Variants in CPSF1 observed in about 807,000 individuals in gnomAD.
The protein encoded by CPSF1 is cleavage and polyadenylation specific factor 1, also known as cleavage and polyadenylation specificity factor subunit 1.
Under a neutral mutation model 175.8 loss-of-function variants are expected in CPSF1, and 106 were observed. The ratio of observed to expected loss-of-function variants is 0.60; its 90% confidence interval spans 0.52 to 0.71. The LOEUF (loss-of-function observed/expected upper bound fraction) is 0.71. Among genes scored for constraint, CPSF1 ranks in the 30% least tolerant of loss-of-function variants. The pLI is 0.00. For synonymous variants in CPSF1, 1,024 were observed against 858.3 expected (o/e 1.19, Z -3.37); for missense variants, 1,734 against 2,022.9 (o/e 0.86, Z 2.74).
chr8:144,400,135 G>GGGGGGGGGGCGGGCCGCC, intron 9 of CPSF1, 31 bp downstream of exon 9: 1 of 896,012 alleles, frequency 1.1e-6, no homozygotes, highest in Non-Finnish European at 1.6e-6. Flanking sequence ...CCGTCCCCGG[G>GGGGGGGGGGCGGGCCGCC]CCCCCCCCGC....
In CPSF1 at chr8:144,393,539, C is replaced by G. The variant is rs1256857868; in HGVS notation, c.4197G>C (p.Leu1399=). ...GGTAGCGGTTGAGCAGCTCCCCATCCAGCACGTTGCGCACGGCATTCTGGA... is the reference window on the plus strand; with the variant it reads ...GGTAGCGGTTGAGCAGCTCCCCATCGAGCACGTTGCGCACGGCATTCTGGA... The part of the protein sequence containing the change: ...RTLQNAVRNV[L]DGELLNRYLY... The change falls in exon 37 of 38, where the codon CTG becomes CTC. Residue 1399 remains leucine, a synonymous_variant. Coordinates refer to ENST00000616140, the MANE Select transcript of CPSF1 (RefSeq NM_013291.3). The G allele has an allele frequency of 6.2e-7, 1 of 1,600,612 alleles. No homozygotes were observed. Among genetic ancestry groups the G allele is most frequent in the African/African-American group, 1.3e-5 (1 of 74,810 alleles).
rs782390035 is a variant in CPSF1 at position 144,395,038 on chromosome 8, G to A, written c.3273-15C>T. The A allele has an allele frequency of 2.5e-6, 4 of 1,605,558 alleles. No homozygotes were observed. Among genetic ancestry groups the A allele is most frequent in the Non-Finnish European group, 3.4e-6 (4 of 1,174,826 alleles). On this transcript the variant is annotated splice_polypyrimidine_tract_variant and intron_variant, in intron 29 of 37. Transcript: ENST00000616140. ...GCAGCTCGATCCTGTGGGGGCCAGG[G>A]GCCTCAGGATGCTGCCTGGAGGCCT...
Position 144,393,609 on chromosome 8 carries a change from G to C in CPSF1, c.4146-19C>G. On this transcript the variant is annotated intron_variant, in intron 36 of 37. Coordinates refer to ENST00000616140, the MANE Select transcript of CPSF1 (RefSeq NM_013291.3). ...CAGCATCCTGGGGCGTACAGGCACA[G>C]GTGTCAGGGCAGGCTGGGGTGGAGG... 2 of 1,599,304 alleles carry C rather than the reference G, an allele frequency of 1.3e-6. No homozygotes were observed. Among genetic ancestry groups the C allele is most frequent in the South Asian group, 1.1e-5 (1 of 88,810 alleles).
intron 9 of CPSF1, 31 bp downstream of exon 9, chr8:144,400,135 G>GGGGGCGCCCCCCCCCCCCCCCCCC: frequency 3.3e-6 from 3 of 896,012 alleles, no homozygotes; most frequent in Non-Finnish European, 4.8e-6. Flanking sequence ...CCGTCCCCGG[G>GGGGGCGCCCCCCCCCCCCCCCCCC]CCCCCCCCGC....
rs1554867286 is a variant in CPSF1, at chr8:144,401,658, C to A, written c.160G>T (p.Asp54Tyr). 7 of 1,610,014 alleles carry A rather than the reference C, an allele frequency of 4.3e-6. No individual in the cohort carries two copies. Among genetic ancestry groups the A allele is most frequent in the Non-Finnish European group, 5.9e-6 (7 of 1,178,324 alleles). ...CCACCACACTCACCTGTGCTCCTGTCATTCTTGGTCAGAGCCTGGAGGGGA... is the reference window on the plus strand; with the variant it reads ...CCACCACACTCACCTGTGCTCCTGTAATTCTTGGTCAGAGCCTGGAGGGGA... The part of the protein sequence containing the change: ...NRDAEALTKN[D>Y]RSTEGKAHRE... The change falls in exon 3 of 38, where the codon GAC becomes TAC. Residue 54 changes from aspartate (D) to tyrosine (Y), a missense_variant. Physicochemically the swap from Asp to Tyr is radical, Grantham distance 160. Coordinates refer to ENST00000616140, the MANE Select transcript of CPSF1 (RefSeq NM_013291.3).
chr8:144,396,554 G>A (rs782416983), intron 25 of CPSF1, 44 bp downstream of exon 25: 43 of 1,607,880 alleles, frequency 2.7e-5, no homozygotes, highest in Admixed American at 3.3e-5. Flanking sequence ...GGATGAGGCC[G>A]CGTCTCCCTT....
At position 144,407,824 on chromosome 8, in the gene CPSF1, G is replaced by A. The variant is rs2116909407; in HGVS notation, c.144+1191C>T. On this transcript the variant is annotated intron_variant, in intron 2 of 37. Transcript: ENST00000616140. ...AGCCTCCCAAAGTGTGGGACTATAG[G>A]TGTGAGCCAGTGCACCCAGCCTGAG... Among the ~76,000 whole-genome samples the A allele has an allele frequency of 3.9e-5, 6 of 152,276 alleles. No individual in the cohort carries two copies. In the East Asian group the frequency reaches 9.6e-4, roughly 24 times the overall value.
In CPSF1 at chr8:144,395,122, C is replaced by A; in HGVS notation, c.3248G>T (p.Ser1083Ile). 1 of 1,611,880 alleles carries A rather than the reference C, an allele frequency of 6.2e-7. No homozygotes were observed. Among genetic ancestry groups the A allele is most frequent in the Non-Finnish European group, 8.5e-7 (1 of 1,179,194 alleles). ...AFSIQLISPV[S>I]WEAIPNARIE... ...CCTGGCATTGGGAATAGCCTCCCAG[C>A]TGACCGGGGAGATGAGCTGGATGGA... Residue 1083 changes from serine (S) to isoleucine (I), a missense_variant, in exon 29 of 38, where the codon AGC (serine) becomes ATC (isoleucine). Physicochemically the swap from Ser to Ile is moderately radical, Grantham distance 142. Transcript: ENST00000616140.
In CPSF1 at chr8:144,409,326, C is replaced by A. The variant is rs1163331738; in HGVS notation, c.-52G>T. 7 of 441,346 alleles carry A rather than the reference C, an allele frequency of 1.6e-5. No individual in the cohort carries two copies. The highest frequency in any genetic ancestry group is 1.4e-5 in the Non-Finnish European group (4 of 288,672). The allele number at this position is 441,346 out of a possible 1,614,324, so 27.3% of individuals were successfully genotyped here. On this transcript the variant is annotated 5_prime_UTR_variant, in exon 1 of 38. Transcript: ENST00000616140. ...GCCGACTCGAGAGGAACCGGGACAGCAGCGAACTCAGTCCGGCCGGGCCCA... is the reference window on the plus strand; with the variant it reads ...GCCGACTCGAGAGGAACCGGGACAGAAGCGAACTCAGTCCGGCCGGGCCCA...
chr8:144,401,860 G>A (rs2116887561), intron 2 of CPSF1, among the ~76,000 whole-genome samples, 187 bp from the exon 3 acceptor site: 4 of 152,072 alleles, frequency 2.6e-5, no homozygotes, highest in South Asian at 2.1e-4. Flanking sequence ...CCCCATTCAC[G>A]CTCTCATGCC....
intron 17 of CPSF1, 64 bp downstream of exon 17, chr8:144,398,715 C>T (rs1820964817): frequency 6.3e-7 from 1 of 1,596,948 alleles, no homozygotes; most frequent in African/African-American, 1.3e-5. Flanking sequence ...CTGGGCACCC[C>T]CGGCCTATGA....
Position 144,393,593 on chromosome 8 carries a change from G to A in CPSF1, c.4146-3C>T. 1 of 1,602,490 alleles carries A rather than the reference G, an allele frequency of 6.2e-7. No homozygotes were observed. The highest frequency in any genetic ancestry group is 8.5e-7 in the Non-Finnish European group (1 of 1,177,478). ...TGCGGCGGTCCACGTGCAGCATCCTGGGGCGTACAGGCACAGGTGTCAGGG... is the reference window on the plus strand; with the variant it reads ...TGCGGCGGTCCACGTGCAGCATCCTAGGGCGTACAGGCACAGGTGTCAGGG... On this transcript the variant is annotated splice_region_variant and splice_polypyrimidine_tract_variant and intron_variant, in intron 36 of 37. Coordinates refer to ENST00000616140, the MANE Select transcript of CPSF1 (RefSeq NM_013291.3).
In CPSF1 at chr8:144,400,188, T is replaced by C; in HGVS notation, c.915A>G (p.Thr305=). 1 of 1,378,366 alleles carries C rather than the reference T, an allele frequency of 7.3e-7. No individual in the cohort carries two copies. The highest frequency in any genetic ancestry group is 9.6e-7 in the Non-Finnish European group (1 of 1,040,296). The allele number at this position is 1,378,366 out of a possible 1,614,324, so 85.4% of individuals were successfully genotyped here. The part of the protein sequence containing the change: ...PYGVALNSLT[T]GTTAFPLRTQ... ...CACGAAGCGGGAAAGCCGTGGTTCC[T>C]GTGGTGAGGCTGTTGAGAGCCACGC... is the stretch of plus-strand genomic sequence containing the variant. Residue 305 remains threonine (T), a synonymous_variant, in exon 9 of 38, where the codon ACA becomes ACG. Coordinates refer to ENST00000616140, the MANE Select transcript of CPSF1 (RefSeq NM_013291.3).
At position 144,394,442 on chromosome 8, in the gene CPSF1, G is replaced by A; in HGVS notation, c.3681C>T (p.Val1227=). ...SVKNFILAAD[V]MKSISLLRYQ... is the part of the protein sequence containing the mutation. ...AGCGCAGCAGCGAAATGCTCTTCAT[G>A]ACGTCGGCTGCCAGGATGAAGTTCT... Residue 1227 remains valine, a synonymous_variant, in exon 32 of 38, where the codon GTC becomes GTT. Transcript: ENST00000616140. 1 of 1,607,870 alleles carries A rather than the reference G, an allele frequency of 6.2e-7. No homozygotes were observed. The highest frequency in any genetic ancestry group is 8.5e-7 in the Non-Finnish European group (1 of 1,177,898).
At chr8:144,394,192 C>A (rs1554862623) in intron 33 of CPSF1, 32 bp from the exon 34 acceptor site, 1 of 1,612,258 alleles carries the variant, frequency 6.2e-7, no homozygotes, top group Non-Finnish European at 8.5e-7. Flanking sequence ...TCAGCCCCGG[C>A]CACCCCCAGA....
chr8:144,393,954 G>C lies in CPSF1; in HGVS notation c.3944C>G (p.Pro1315Arg). ...GAHVNTFWRT[P>R]CRGATEGLSK... ...GAGCCCTTCAGTGGCCCCCCGGCAC[G>C]GGGTCCTCCAGAACGTGTTCACGTG... The change falls in exon 35 of 38, where the codon CCG becomes CGG. Residue 1315 changes from proline to arginine, a missense_variant. Physicochemically the swap from Pro to Arg is moderately radical, Grantham distance 103 (BLOSUM62 -2). Around this residue, in one of 10 missense-constraint regions of CPSF1, gnomAD observed 323 missense variants for 338.5 expected, o/e 0.95. Coordinates refer to ENST00000616140, the MANE Select transcript of CPSF1 (RefSeq NM_013291.3). 2 of 1,613,618 alleles carry C rather than the reference G, an allele frequency of 1.2e-6. No homozygotes were observed. Among genetic ancestry groups the C allele is most frequent in the South Asian group, 1.1e-5 (1 of 91,068 alleles).
In CPSF1 at chr8:144,398,547, A is replaced by C; in HGVS notation, c.1730T>G (p.Leu577Arg). Residue 577 changes from leucine to arginine, a missense_variant, in exon 18 of 38, where the codon CTG (leucine) becomes CGG (arginine). By Grantham distance (102) the Leu-to-Arg change is moderately radical. Coordinates refer to ENST00000616140, the MANE Select transcript of CPSF1 (RefSeq NM_013291.3). ...CACCATGGTGGAGTCTTCCCGGCTC[A>C]GAATCAGGAATCCGTGTCTGCGGCC... ...DDGRRHGFLILSREDSTMILQ... is the reference protein window; with the variant it reads ...DDGRRHGFLIRSREDSTMILQ... The C allele has an allele frequency of 6.2e-7, 1 of 1,613,836 alleles. No homozygotes were observed. Among genetic ancestry groups the C allele is most frequent in the Non-Finnish European group, 8.5e-7 (1 of 1,179,956 alleles).
intron 2 of CPSF1, 152 bp from the exon 3 acceptor site, chr8:144,401,825 G>T: frequency 1.2e-6 from 1 of 801,732 alleles, no homozygotes; most frequent in Non-Finnish European, 2.0e-6. Flanking sequence ...TCTGGAGACA[G>T]CTGTGCACAG....
intron 2 of CPSF1, among the ~76,000 whole-genome samples, chr8:144,405,463 A>C (rs2116902052): frequency 2.6e-5 from 4 of 152,010 alleles, no homozygotes; most frequent in Non-Finnish European, 5.9e-5. Context: ...TCTCTACCAA[A>C]AATACAAAAA....
Sources: gnomAD v4.1 joint callset for allele counts (sites outside exome capture counted in the v4.1 genomes callset) on GRCh38, gnomAD v4.1.1 for gene constraint, gnomAD v4.1.1 regional missense constraint, MANE v1.5 for transcripts, NCBI Gene and HGNC (gene_info 2026-07-23, HGNC 2026-07-21) for gene names.